Variants in TEX9 observed in about 807,000 individuals in gnomAD.
The protein encoded by TEX9 is testis expressed 9, also known as testis-expressed protein 9.
TEX9 carries 74 observed loss-of-function variants against 59.6 expected under a neutral mutation model. The observed-to-expected ratio is 1.24, with a 90% CI of 1.03 to 1.51. The LOEUF is 1.51. Among genes scored for constraint, TEX9 ranks in the 40% most tolerant of loss-of-function variants. TEX9 has a pLI of 0.00. For synonymous variants in TEX9, 186 were observed against 152.2 expected (o/e 1.22, Z -1.64); for missense variants, 522 against 447.8 (o/e 1.17, Z -1.49).
At chr15:56,358,869 T>A (rs2046738177) in intron 1 of TEX9, among the ~76,000 whole-genome samples, 1 of 152,122 alleles carries the variant, frequency 6.6e-6, no homozygotes, top group South Asian at 2.1e-4. Context: ...GTCTGACATT[T>A]CCTCTTTCAC....
chr15:56,446,765 A>T (rs2050907488), downstream of TEX9: 4 of 1,088,460 alleles, frequency 3.7e-6, no homozygotes, highest in Non-Finnish European at 4.0e-6. Flanking sequence ...ATACAATATG[A>T]CAATTTTTTA....
intron 1 of TEX9, among the ~76,000 whole-genome samples, chr15:56,355,366 G>A (rs180931947): frequency 6.6e-6 from 1 of 152,086 alleles, no homozygotes; most frequent in East Asian, 1.9e-4. Flanking sequence ...TTAAAATATG[G>A]ATTTACAATT....
intron 1 of TEX9, among the ~76,000 whole-genome samples, chr15:56,322,075 G>T (rs957781638): frequency 6.6e-6 from 1 of 152,002 alleles, no homozygotes; most frequent in Non-Finnish European, 1.5e-5. Context: ...TTTACTATAT[G>T]TAAATTTAAA....
chr15:56,276,481 A>G (rs1210853174), intron 1 of TEX9, among the ~76,000 whole-genome samples: 1 of 152,112 alleles, frequency 6.6e-6, no homozygotes, highest in African/African-American at 2.4e-5. Flanking sequence ...TTCCAGCTTC[A>G]TCCATGTCCC....
intron 1 of TEX9, among the ~76,000 whole-genome samples, chr15:56,322,568 A>G (rs1376439146): frequency 1.3e-5 from 2 of 152,028 alleles, no homozygotes; most frequent in African/African-American, 4.8e-5. Flanking sequence ...CCTTACAGAG[A>G]TGTTGTAGTA....
At chr15:56,428,913 C>G (rs2050460846) in intron 12 of TEX9, 1 of 526,002 alleles carries the variant, frequency 1.9e-6, no homozygotes, top group African/African-American at 2.0e-5. Flanking sequence ...ATTATCAGTA[C>G]AAAAATAACA....
intron 7 of TEX9, among the ~76,000 whole-genome samples, chr15:56,391,925 CTTA>C (rs2048235117): frequency 6.6e-6 from 1 of 151,996 alleles, no homozygotes; most frequent in Admixed American, 6.6e-5. Context: ...AATTTTTCTT[CTTA>C]TTAACTCATT....
At chr15:56,277,749 C>T (rs1322351510) in intron 1 of TEX9, among the ~76,000 whole-genome samples, 2 of 152,136 alleles carry the variant, frequency 1.3e-5, no homozygotes, top group Non-Finnish European at 2.9e-5. Flanking sequence ...ATGGCCAAGG[C>T]CAAAAAATTT....
intron 1 of TEX9, among the ~76,000 whole-genome samples, chr15:56,292,840 T>C (rs190006045): frequency 1.8e-4 from 28 of 152,272 alleles, no homozygotes; most frequent in Non-Finnish European, 2.9e-4. Flanking sequence ...TTTTGAGGTG[T>C]AGTCATGCCA....
At chr15:56,376,515 A>C (rs1480524789) in intron 3 of TEX9, among the ~76,000 whole-genome samples, 1 of 152,066 alleles carries the variant, frequency 6.6e-6, no homozygotes, top group Non-Finnish European at 1.5e-5. Flanking sequence ...ATTGATGTTG[A>C]ACACCTTTTT....
At chr15:56,290,281 G>A (rs1406782796) in intron 1 of TEX9, among the ~76,000 whole-genome samples, 1 of 152,068 alleles carries the variant, frequency 6.6e-6, no homozygotes, top group African/African-American at 2.4e-5. Flanking sequence ...CTGTGTAATG[G>A]GTGTTCATTA....
intron 1 of TEX9, among the ~76,000 whole-genome samples, chr15:56,304,361 G>A (rs2045428603): frequency 6.6e-6 from 1 of 152,170 alleles, no homozygotes; most frequent in Non-Finnish European, 1.5e-5. Flanking sequence ...TACCCATTTA[G>A]TATGATACTA....
chr15:56,406,186 A>G (rs535727800), intron 9 of TEX9, among the ~76,000 whole-genome samples: 182 of 152,292 alleles, frequency 1.2e-3, no homozygotes, highest in Middle Eastern at 0.01. Context: ...CTTTTCTAAA[A>G]TTTCATACAA....
chr15:56,404,462 A>G (rs764412867), intron 9 of TEX9, among the ~76,000 whole-genome samples: 30 of 152,232 alleles, frequency 2.0e-4, no homozygotes, highest in Admixed American at 6.5e-5. Flanking sequence ...TAGAATGGCA[A>G]TCATTAAAAA....
chr15:56,361,606 C>G (rs1168564815), upstream of TEX9, among the ~76,000 whole-genome samples: 1 of 152,052 alleles, frequency 6.6e-6, no homozygotes, highest in East Asian at 1.9e-4. Context: ...TGCCACCTCC[C>G]CCTCCCTACC....
chr15:56,407,454 G>T (rs949407307), intron 9 of TEX9, among the ~76,000 whole-genome samples: 1 of 151,954 alleles, frequency 6.6e-6, no homozygotes, highest in Admixed American at 6.6e-5. Flanking sequence ...CGTGGTATTT[G>T]TCCACTTCAT....
intron 1 of TEX9, among the ~76,000 whole-genome samples, chr15:56,268,138 T>A (rs1466972662): frequency 6.6e-6 from 1 of 152,216 alleles, no homozygotes; most frequent in African/African-American, 2.4e-5. Flanking sequence ...CTGTTATTGG[T>A]GTATAGGAAT....
chr15:56,406,006 A>C (rs1004844046), intron 9 of TEX9, among the ~76,000 whole-genome samples: 3 of 152,152 alleles, frequency 2.0e-5, no homozygotes, highest in Admixed American at 6.5e-5. Context: ...TAATTCAATA[A>C]GTTTTCACAA....
At chr15:56,420,363 A>T (rs8033950) in intron 10 of TEX9, among the ~76,000 whole-genome samples, 1 of 149,612 alleles carries the variant, frequency 6.7e-6, no homozygotes, top group African/African-American at 2.5e-5. Flanking sequence ...GGTGGAGTGC[A>T]GTGGCGCAAA....
Sources: allele counts gnomAD v4.1 joint callset (sites outside exome capture counted in the v4.1 genomes callset), GRCh38; gene constraint gnomAD v4.1.1; transcripts MANE v1.5; gene names NCBI Gene and HGNC (gene_info 2026-07-23, HGNC 2026-07-21).